SENP7: variants seen among roughly 807,000 people sequenced by gnomAD.
SENP7 encodes the protein SUMO specific peptidase 7.
In SENP7, 64 loss-of-function variants were observed where a neutral mutation model predicts 141.2. That is an observed-to-expected ratio of 0.45 (90% CI 0.37 to 0.56). The LOEUF (loss-of-function observed/expected upper bound fraction) is 0.56. Ranked by LOEUF, SENP7 falls within the 20% of genes least tolerant of loss-of-function variation. The pLI, the probability that SENP7 is intolerant of heterozygous loss-of-function variation, is 0.00. For synonymous variants in SENP7, 382 were observed against 426.4 expected (o/e 0.90, Z 1.28); for missense variants, 1,025 against 1,212.2 (o/e 0.85, Z 2.29).
Position 101,458,940 on chromosome 3 carries a change from A to C in SENP7, c.284+15T>G. On this transcript the variant is annotated intron_variant, in intron 4 of 23. Transcript: ENST00000394095. ...AGGTTAAGCCCATACTATGTCGCAC[A>C]CACACATATCTTACCTTTCTGGTGA... 1 of 1,495,472 alleles carries C rather than the reference A, an allele frequency of 6.7e-7. No individual in the cohort carries two copies. Among genetic ancestry groups the C allele is most frequent in the Non-Finnish European group, 9.2e-7 (1 of 1,082,248 alleles). The allele number at this position is 1,495,472 out of a possible 1,614,324, so 92.6% of individuals were successfully genotyped here.
At chr3:101,469,198 C>T (rs1265897361) in intron 3 of SENP7, among the ~76,000 whole-genome samples, 2 of 152,076 alleles carry the variant, frequency 1.3e-5, no homozygotes, top group Non-Finnish European at 2.9e-5. Flanking sequence ...TAAAGGAGCA[C>T]CCAGATTCAT....
chr3:101,395,538 T>C (rs1176816058), intron 6 of SENP7, among the ~76,000 whole-genome samples: 1 of 152,202 alleles, frequency 6.6e-6, no homozygotes, highest in African/African-American at 2.4e-5. Flanking sequence ...ACTATAGCCT[T>C]GTAATATATT....
chr3:101,485,470 T>C (rs1436633688), intron 3 of SENP7, among the ~76,000 whole-genome samples: 1 of 152,080 alleles, frequency 6.6e-6, no homozygotes, highest in East Asian at 1.9e-4. Context: ...AGGCCAGAGC[T>C]GGGAAGACTC....
chr3:101,415,059 C>T (rs2061572375), intron 5 of SENP7, among the ~76,000 whole-genome samples: 1 of 152,198 alleles, frequency 6.6e-6, no homozygotes, highest in African/African-American at 2.4e-5. Context: ...TGTCACCACA[C>T]CATTTTCCAT....
intron 11 of SENP7, among the ~76,000 whole-genome samples, chr3:101,361,372 G>A (rs962650070): frequency 2.0e-5 from 3 of 152,046 alleles, no homozygotes; most frequent in East Asian, 1.9e-4. Context: ...GTTTACAACC[G>A]TTTAAACTGG....
At chr3:101,365,791 G>A (rs1296824025) in intron 9 of SENP7, among the ~76,000 whole-genome samples, 4 of 151,934 alleles carry the variant, frequency 2.6e-5, no homozygotes, top group African/African-American at 4.8e-5. Flanking sequence ...CTATATCAGC[G>A]CAATTATTCA....
In SENP7 at chr3:101,376,708, A is replaced by G. The variant is rs193233828; in HGVS notation, c.678-4582T>C. On this transcript the variant is annotated intron_variant, in intron 6 of 23. Coordinates refer to ENST00000394095, the MANE Select transcript of SENP7 (RefSeq NM_020654.5). ...TAAATGACGAGTTAATGGGTGCAGCACACCAACATGGCACATGTATACATA... is the reference window on the plus strand; with the variant it reads ...TAAATGACGAGTTAATGGGTGCAGCGCACCAACATGGCACATGTATACATA... Among the ~76,000 whole-genome samples the G allele has an allele frequency of 4.6e-3, 705 of 152,326 alleles. 3 individuals carry two copies. Among genetic ancestry groups the G allele is most frequent in the Non-Finnish European group, 8.7e-3 (591 of 68,022 alleles).
chr3:101,467,615 C>T (rs908591298), intron 3 of SENP7, among the ~76,000 whole-genome samples: 3 of 152,158 alleles, frequency 2.0e-5, no homozygotes, highest in African/African-American at 7.2e-5. Flanking sequence ...AGCTGAGGGA[C>T]CTGACTGTTA....
chr3:101,411,252 T>A (rs6784589), intron 5 of SENP7, among the ~76,000 whole-genome samples: 60,378 of 152,020 alleles, frequency 0.4, 12,514 homozygotes, highest in Admixed American at 0.54. Flanking sequence ...TTAATTTTCA[T>A]ATTTCTGTAA....
intron 4 of SENP7, among the ~76,000 whole-genome samples, chr3:101,453,642 C>T (rs1576401881): frequency 6.6e-6 from 1 of 151,918 alleles, no homozygotes; most frequent in East Asian, 1.9e-4. Flanking sequence ...CGCATGTTCT[C>T]ACTCATAGGT....
Position 101,376,697 on chromosome 3 carries a change from A to G in SENP7, c.678-4571T>C, listed in dbSNP as rs372661760. 1.3e-3 allele frequency among the ~76,000 whole-genome samples: 200 copies of G among 152,288 alleles called. 2 individuals carry two copies. The Middle Eastern group carries it at 0.017, about 13-fold the overall frequency. ...ACACCTAATGTTAAATGACGAGTTAATGGGTGCAGCACACCAACATGGCAC... is the reference window on the plus strand; with the variant it reads ...ACACCTAATGTTAAATGACGAGTTAGTGGGTGCAGCACACCAACATGGCAC... On this transcript the variant is annotated intron_variant, in intron 6 of 23. Coordinates refer to ENST00000394095, the MANE Select transcript of SENP7 (RefSeq NM_020654.5).
intron 1 of SENP7, among the ~76,000 whole-genome samples, chr3:101,505,634 G>A (rs372027815): frequency 2.0e-5 from 3 of 152,032 alleles, no homozygotes; most frequent in African/African-American, 7.2e-5. Context: ...GATGTGCCTC[G>A]ACTTGAGACT....
At chr3:101,432,107 T>A (rs147315216) in intron 4 of SENP7, among the ~76,000 whole-genome samples, 205 of 152,174 alleles carry the variant, frequency 1.3e-3, no homozygotes, top group African/African-American at 4.8e-3. Context: ...CAACAAGCCA[T>A]CTTAAGAGAT....
rs1390869003 is a variant in SENP7 at position 101,469,660 on chromosome 3, T to C, written c.187-10608A>G. On this transcript the variant is annotated intron_variant, in intron 3 of 23. Transcript: ENST00000394095. ...TAACAAGGTGAAACCCCGTCTCTAC[T>C]AAAAATACAAAAAATTAGCCGGGCG... Among the ~76,000 whole-genome samples, 6 of 107,776 alleles carry C rather than the reference T, an allele frequency of 5.6e-5. 2 individuals carry two copies. In the East Asian group the frequency reaches 1.2e-3, roughly 22 times the overall value. 70.7% of individuals were successfully genotyped at this position (107,776 alleles called of 152,430 possible).
At chr3:101,442,804 T>A (rs1185909548) in intron 4 of SENP7, among the ~76,000 whole-genome samples, 2 of 151,572 alleles carry the variant, frequency 1.3e-5, no homozygotes, top group African/African-American at 2.4e-5. Context: ...AAGAAAAAAA[T>A]TCTGAACTTG....
At chr3:101,497,215 T>C (rs146954747) in intron 2 of SENP7, among the ~76,000 whole-genome samples, 2 of 152,270 alleles carry the variant, frequency 1.3e-5, no homozygotes, top group African/African-American at 4.8e-5. Context: ...TATAGATATA[T>C]AGATAGAGAT....
chr3:101,498,416 C>T (rs2065243438), intron 2 of SENP7, among the ~76,000 whole-genome samples: 1 of 152,152 alleles, frequency 6.6e-6, no homozygotes, highest in African/African-American at 2.4e-5. Context: ...CTAAGAAGGT[C>T]ATCATCACTT....
chr3:101,329,496 A>G, intron 20 of SENP7, among the ~76,000 whole-genome samples: 1 of 152,160 alleles, frequency 6.6e-6, no homozygotes, highest in Non-Finnish European at 1.5e-5. Flanking sequence ...AAAAAAAAAA[A>G]ATCATTAAGT....
chr3:101,442,274 C>T (rs974343648), intron 4 of SENP7, among the ~76,000 whole-genome samples: 1 of 152,198 alleles, frequency 6.6e-6, no homozygotes, highest in African/African-American at 2.4e-5. Flanking sequence ...TGGCACCAGG[C>T]ACCAGTTTCA....
Sources: allele counts gnomAD v4.1 joint callset (sites outside exome capture counted in the v4.1 genomes callset), GRCh38; gene constraint gnomAD v4.1.1; transcripts MANE v1.5; gene names NCBI Gene and HGNC (gene_info 2026-07-23, HGNC 2026-07-21).